PINX1: variants seen among roughly 807,000 people sequenced by gnomAD.
The protein encoded by PINX1 is PIN2/TERF1-interacting telomerase inhibitor 1.
In PINX1, 34 loss-of-function variants were observed where a neutral mutation model predicts 25.4. That is an observed-to-expected ratio of 1.34 (90% CI 1.02 to 1.78). The LOEUF is 1.78. PINX1 is among the 40% of genes most tolerant of loss of function. PINX1 has a pLI of 0.00. For missense variants in PINX1, 592 were observed against 404.9 expected, an observed-to-expected ratio of 1.46 and a Z score of -3.97; for synonymous variants, 197 against 147.7, an observed-to-expected ratio of 1.33 and a Z score of -2.42.
chr8:10,801,001 T>C (rs1802248843), intron 6 of PINX1, among the ~76,000 whole-genome samples: 1 of 152,212 alleles, frequency 6.6e-6, no homozygotes, highest in African/African-American at 2.4e-5. Context: ...GGCATCAGTC[T>C]CTTCAGCTTT....
intron 6 of PINX1, among the ~76,000 whole-genome samples, chr8:10,804,204 G>C (rs956113891): frequency 6.6e-6 from 1 of 152,222 alleles, no homozygotes; most frequent in African/African-American, 2.4e-5. Context: ...GCAGGATGGA[G>C]ATGAGGAAAC....
intron 6 of PINX1, among the ~76,000 whole-genome samples, chr8:10,814,134 T>C (rs758242222): frequency 3.3e-5 from 5 of 152,192 alleles, no homozygotes; most frequent in Non-Finnish European, 7.3e-5. Context: ...CCACAGAAAG[T>C]GCATACATCT....
At chr8:10,771,640 T>A (rs1801226078) in intron 6 of PINX1, among the ~76,000 whole-genome samples, 1 of 152,196 alleles carries the variant, frequency 6.6e-6, no homozygotes, top group African/African-American at 2.4e-5. Context: ...CAAACCCAGC[T>A]GGACCAAGGC....
Position 10,770,582 on chromosome 8 carries a change from G to A in PINX1, c.472-4666C>T, listed in dbSNP as rs150045624. On this transcript the variant is annotated intron_variant, in intron 6 of 6. Coordinates refer to ENST00000314787, the MANE Select transcript of PINX1 (RefSeq NM_017884.6). ...CTGCGCAAGATCCTCTGGGCTCATG[G>A]AGGACTTTGCTCTTGTGTCATTCAA... 2.3e-3 allele frequency among the ~76,000 whole-genome samples: 353 copies of A among 152,286 alleles called. 1 individual carries two copies. The highest frequency in any genetic ancestry group is 6.8e-3 in the Middle Eastern group (2 of 294).
rs115028764 is a variant in PINX1 at position 10,814,405 on chromosome 8, G to A, written c.471+5788C>T. Among the ~76,000 whole-genome samples the A allele has an allele frequency of 5.9e-3, 901 of 152,292 alleles. 12 individuals carry two copies. Among genetic ancestry groups the A allele is most frequent in the African/African-American group, 0.021 (864 of 41,554 alleles). Reference sequence around the variant, plus strand: ...TCTGGAGGAAATACGAAGCACCAATGAAGTCAGAGGAGAGTCCTTCAAGCA... The same window carrying A: ...TCTGGAGGAAATACGAAGCACCAATAAAGTCAGAGGAGAGTCCTTCAAGCA... On this transcript the variant is annotated intron_variant, in intron 6 of 6. Transcript: ENST00000314787.
chr8:10,795,582 G>A (rs1366918454), intron 6 of PINX1, among the ~76,000 whole-genome samples: 1 of 152,140 alleles, frequency 6.6e-6, no homozygotes, highest in African/African-American at 2.4e-5. Context: ...TGTATTCTTA[G>A]TAAAGATGGG....
rs151274556 is a variant in PINX1 at position 10,770,437 on chromosome 8, C to T, written c.472-4521G>A. Reference sequence around the variant, plus strand: ...ACAATACACCACAGTCCTCTCCGGTCCCTGAAAGATGCCTGAAGCTACATG... The same window carrying T: ...ACAATACACCACAGTCCTCTCCGGTTCCTGAAAGATGCCTGAAGCTACATG... On this transcript the variant is annotated intron_variant, in intron 6 of 6. Coordinates refer to ENST00000314787, the MANE Select transcript of PINX1 (RefSeq NM_017884.6). Among the ~76,000 whole-genome samples the T allele has an allele frequency of 9.4e-3, 1,431 of 152,296 alleles. 11 individuals are homozygous for T. Among genetic ancestry groups the T allele is most frequent in the African/African-American group, 0.014 (579 of 41,570 alleles).
At chr8:10,829,624 GTCTCTAAACCACTGCATTCTATTTAA>G (rs1798165321) in intron 4 of PINX1, among the ~76,000 whole-genome samples, 2 of 152,036 alleles carry the variant, frequency 1.3e-5, no homozygotes, top group Admixed American at 1.3e-4. Flanking sequence ...TCTGGTGTTT[GTCTCTAAACCACTGCATTCTATTTAA>G]TCTCCAAGTC....
At chr8:10,796,392 C>A (rs1222544485) in intron 6 of PINX1, among the ~76,000 whole-genome samples, 1 of 152,108 alleles carries the variant, frequency 6.6e-6, no homozygotes, top group African/African-American at 2.4e-5. Flanking sequence ...CGATGAGTTC[C>A]ATTTCTACCT....
At chr8:10,780,616 C>CA (rs568002873) in intron 6 of PINX1, among the ~76,000 whole-genome samples, 2,459 of 136,172 alleles carry the variant, frequency 0.018, 30 homozygotes, top group Admixed American at 0.021. Context: ...ATGGTACCAT[C>CA]AAAAAAAAAA....
rs1319784848 is a variant in PINX1 at position 10,820,254 on chromosome 8, G to C, written c.410C>G (p.Ser137Cys). 1.2e-6 allele frequency: 2 copies of C among 1,611,166 alleles called. No individual in the cohort carries two copies. The highest frequency in any genetic ancestry group is 2.2e-5 in the South Asian group (2 of 90,882). ...GCAGTCAAGATCTGTTTTGCTCCGA[G>C]ATGACAGATCCTTCCCTAGAAAAAC... ...MKFTKGKDLS[S>C]RSKTDLDCIF... Residue 137 changes from serine (S) to cysteine (C), a missense_variant, in exon 6 of 7, where the codon TCT becomes TGT. Transcript: ENST00000314787.
intron 4 of PINX1, among the ~76,000 whole-genome samples, chr8:10,827,707 C>A (rs1798099832): frequency 6.6e-6 from 1 of 151,550 alleles, no homozygotes; most frequent in African/African-American, 2.4e-5. Context: ...GAGATCGACA[C>A]CATCCTGGCT....
At position 10,765,401 on chromosome 8, in the gene PINX1, T is replaced by G. The variant is rs768302926; in HGVS notation, c.987A>C (p.Ter329CysextTer88). Residue 329 changes from the stop codon to cysteine, a stop_lost, in exon 7 of 7, where the codon TGA (stop) becomes TGC (cysteine). Coordinates refer to ENST00000314787, the MANE Select transcript of PINX1 (RefSeq NM_017884.6). ...VKKKKKKDSK[*>C] ...TCGGAAGGCCCCGGCTGGGAAGGAT[T>G]CATTTGGAATCTTTCTTCTTCTTCT... 6.3e-6 allele frequency: 10 copies of G among 1,595,798 alleles called. No individual in the cohort carries two copies. Among genetic ancestry groups the G allele is most frequent in the Non-Finnish European group, 8.5e-6 (10 of 1,174,014 alleles).
chr8:10,792,728 G>C (rs746665378), intron 6 of PINX1, among the ~76,000 whole-genome samples: 6 of 152,032 alleles, frequency 3.9e-5, no homozygotes, highest in African/African-American at 7.2e-5. Flanking sequence ...ACTGTAATAG[G>C]AAAAAAAGAA....
chr8:10,815,290 A>C (rs1358291669), intron 6 of PINX1, among the ~76,000 whole-genome samples: 1 of 152,242 alleles, frequency 6.6e-6, no homozygotes, highest in East Asian at 1.9e-4. Context: ...GACAGAAAGC[A>C]TGATTTAAGT....
chr8:10,768,550 A>G (rs1801129276), intron 6 of PINX1, among the ~76,000 whole-genome samples: 1 of 152,206 alleles, frequency 6.6e-6, no homozygotes, highest in Non-Finnish European at 1.5e-5. Context: ...GCATGGAGAC[A>G]GGCTAGAGAG....
intron 6 of PINX1, among the ~76,000 whole-genome samples, chr8:10,774,799 C>A (rs1801337495): frequency 6.6e-6 from 1 of 151,960 alleles, no homozygotes; most frequent in Admixed American, 6.6e-5. Context: ...ATCAATGTAG[C>A]AAATAAAAAT....
At chr8:10,815,131 G>A (rs1192539139) in intron 6 of PINX1, among the ~76,000 whole-genome samples, 2 of 152,040 alleles carry the variant, frequency 1.3e-5, no homozygotes, top group East Asian at 3.9e-4. Flanking sequence ...TGGTAGAGAC[G>A]ATGTCTCACT....
intron 6 of PINX1, among the ~76,000 whole-genome samples, chr8:10,809,796 T>G (rs1290693054): frequency 1.3e-5 from 2 of 152,264 alleles, no homozygotes; most frequent in Non-Finnish European, 2.9e-5. Flanking sequence ...ATCACCATCC[T>G]CGTTCATCAT....
Sources: gnomAD v4.1 joint callset for allele counts (sites outside exome capture counted in the v4.1 genomes callset) on GRCh38, gnomAD v4.1.1 for gene constraint, MANE v1.5 for transcripts, NCBI Gene and HGNC (gene_info 2026-07-23, HGNC 2026-07-21) for gene names.